The following USH2A variants were observed in gnomAD, a reference collection of about 807,000 sequenced individuals.
USH2A encodes the protein Usher syndrome 2A (autosomal recessive, mild).
Under a neutral mutation model 538.9 loss-of-function variants are expected in USH2A, and 443 were observed. The ratio of observed to expected loss-of-function variants is 0.82; its 90% CI spans 0.76 to 0.89. The LOEUF (loss-of-function observed/expected upper bound fraction) is 0.89. USH2A is among the 40% of genes least tolerant of loss of function. USH2A has a pLI of 0.00. For synonymous variants in USH2A, 2,413 were observed against 2,273.5 expected, an observed-to-expected ratio of 1.06 and a Z score of -1.75; for missense variants, 6,633 against 6,324.8, an observed-to-expected ratio of 1.05 and a Z score of -1.65.
chr1:216,225,487 C>T (rs1347880392), intron 14 of USH2A, among the ~76,000 whole-genome samples: 1 of 152,178 alleles, frequency 6.6e-6, no homozygotes, highest in Non-Finnish European at 1.5e-5. Flanking sequence ...TTCCACACGA[C>T]TGATTTAGTA....
chr1:215,990,718 G>C (rs561326474), intron 35 of USH2A, among the ~76,000 whole-genome samples: 2 of 151,294 alleles, frequency 1.3e-5, no homozygotes, highest in East Asian at 2.0e-4. Context: ...ATTTCTACAG[G>C]TAAGGACAGG....
At chr1:216,330,147 C>T (rs966323444) in intron 4 of USH2A, among the ~76,000 whole-genome samples, 8 of 152,006 alleles carry the variant, frequency 5.3e-5, no homozygotes, top group Non-Finnish European at 8.8e-5. Flanking sequence ...CATTCTTTTA[C>T]GTATTGATTC....
chr1:216,171,298 T>C (rs1320755373), intron 21 of USH2A, among the ~76,000 whole-genome samples: 1 of 152,030 alleles, frequency 6.6e-6, no homozygotes, highest in East Asian at 1.9e-4. Context: ...AGAACATTGA[T>C]CATGCAACAA....
chr1:215,705,310 C>T (rs1435328232), intron 61 of USH2A, among the ~76,000 whole-genome samples: 1 of 152,044 alleles, frequency 6.6e-6, no homozygotes, highest in Non-Finnish European at 1.5e-5. Context: ...TGTTTCTGTG[C>T]CTTTTGTGTA....
At chr1:216,266,901 G>A (rs138901557) in intron 11 of USH2A, among the ~76,000 whole-genome samples, 94 of 151,804 alleles carry the variant, frequency 6.2e-4, no homozygotes, top group African/African-American at 2.1e-3. Flanking sequence ...ATTATGTATT[G>A]ATGTGAAGAT....
At chr1:215,806,409 C>G (rs1662501934) in intron 49 of USH2A, among the ~76,000 whole-genome samples, 1 of 152,028 alleles carries the variant, frequency 6.6e-6, no homozygotes, top group South Asian at 2.1e-4. Flanking sequence ...TTGGTGGTAG[C>G]ACCAGCTAAT....
chr1:216,209,244 G>A lies in USH2A; in HGVS notation c.3158-1813C>T, dbSNP rs187723659. Among the ~76,000 whole-genome samples the A allele has an allele frequency of 7.8e-4, 119 of 152,314 alleles. 1 individual carries two copies. Among genetic ancestry groups the A allele is most frequent in the African/African-American group, 2.7e-3 (113 of 41,566 alleles). On this transcript the variant is annotated intron_variant, in intron 15 of 71. Transcript: ENST00000307340. ...GACAGGAGCTATGACCACTCATGGA[G>A]GGATGCAGTTAGCTTGAGGCTGCTT...
At chr1:216,194,122 C>G (rs1455469598) in intron 19 of USH2A, 1 of 152,056 alleles carries the variant, frequency 6.6e-6, no homozygotes, top group Non-Finnish European at 1.5e-5. Flanking sequence ...GGGAATTTGC[C>G]CTAAGATAGT....
intron 61 of USH2A, among the ~76,000 whole-genome samples, chr1:215,712,112 C>A (rs1016033473): frequency 5.3e-5 from 8 of 152,138 alleles, no homozygotes; most frequent in Non-Finnish European, 2.9e-5. Context: ...TCTCTTGAGG[C>A]CTTTAGCGAC....
At chr1:215,681,481 A>G (rs1464132157) in intron 61 of USH2A, among the ~76,000 whole-genome samples, 1 of 152,192 alleles carries the variant, frequency 6.6e-6, no homozygotes, top group African/African-American at 2.4e-5. Flanking sequence ...TGAATGTGAT[A>G]CATGGTCTTC....
intron 9 of USH2A, among the ~76,000 whole-genome samples, chr1:216,313,626 C>T (rs2037460042): frequency 1.3e-5 from 2 of 152,106 alleles, no homozygotes; most frequent in Admixed American, 1.3e-4. Context: ...CAATTCCTTC[C>T]TTCACACCAG....
intron 35 of USH2A, 72 bp from the exon 36 acceptor site, chr1:215,970,848 C>T: frequency 6.9e-7 from 1 of 1,442,450 alleles, no homozygotes; most frequent in Non-Finnish European, 9.7e-7. Context: ...AAAGCAAGCA[C>T]TCTTGATGTG....
At chr1:215,885,205 C>CT (rs1048240867) in intron 41 of USH2A, among the ~76,000 whole-genome samples, 13 of 150,582 alleles carry the variant, frequency 8.6e-5, no homozygotes, top group South Asian at 2.1e-4. Flanking sequence ...AATTGTATGC[C>CT]TTTTTTTCTG....
At chr1:216,271,939 T>C (rs2036584197) in intron 11 of USH2A, among the ~76,000 whole-genome samples, 1 of 152,158 alleles carries the variant, frequency 6.6e-6, no homozygotes, top group South Asian at 2.1e-4. Flanking sequence ...ATTTTACATC[T>C]ATGTTCATAT....
intron 9 of USH2A, among the ~76,000 whole-genome samples, chr1:216,304,370 A>C (rs1258230222): frequency 6.6e-6 from 1 of 151,940 alleles, no homozygotes; most frequent in African/African-American, 2.4e-5. Flanking sequence ...CACAAATTTA[A>C]TGCTTTTTCA....
intron 32 of USH2A, among the ~76,000 whole-genome samples, chr1:216,041,714 T>C (rs2030284237): frequency 6.6e-6 from 1 of 152,084 alleles, no homozygotes; most frequent in Non-Finnish European, 1.5e-5. Context: ...AAATTATTCC[T>C]TACCCCAATT....
intron 3 of USH2A, among the ~76,000 whole-genome samples, chr1:216,382,333 C>T (rs756761429): frequency 2.0e-5 from 3 of 151,998 alleles, no homozygotes; most frequent in Non-Finnish European, 4.4e-5. Context: ...TAGGATTAAG[C>T]GGAATAAATA....
chr1:215,717,225 G>GA (rs1225413904), intron 61 of USH2A, among the ~76,000 whole-genome samples: 1 of 152,114 alleles, frequency 6.6e-6, no homozygotes, highest in Admixed American at 6.5e-5. Context: ...ATTTTGATTA[G>GA]AAAAAACTCC....
intron 58 of USH2A, 53 bp from the exon 59 acceptor site, chr1:215,743,388 G>GTATATATATA (rs1660364944): frequency 1.3e-5 from 1 of 79,048 alleles, no homozygotes; most frequent in Non-Finnish European, 2.2e-5. Context: ...ATATATATAT[G>GTATATATATA]TGTGTGTGTG....
Sources: allele counts gnomAD v4.1 joint callset (sites outside exome capture counted in the v4.1 genomes callset), GRCh38; gene constraint gnomAD v4.1.1; transcripts MANE v1.5; gene names NCBI Gene and HGNC (gene_info 2026-07-23, HGNC 2026-07-21).